SNTG2: variants seen among roughly 807,000 people sequenced by gnomAD.
SNTG2 encodes syntrophin gamma 2, also known as gamma-2-syntrophin.
SNTG2 carries 74 observed loss-of-function variants against 70.9 expected under a neutral mutation model. That is an observed-to-expected ratio of 1.04 (90% CI 0.86 to 1.27). SNTG2 has a LOEUF of 1.27. Among genes scored for constraint, SNTG2 ranks in the 50% most tolerant of loss-of-function variants. The pLI is 0.00. For missense variants in SNTG2, 717 were observed against 690.7 expected (o/e 1.04, Z -0.43); for synonymous variants, 278 against 273.8 (o/e 1.02, Z -0.15).
intron 1 of SNTG2, among the ~76,000 whole-genome samples, 197 bp downstream of exon 1, chr2:951,265 C>T (rs555020090): frequency 6.6e-6 from 1 of 152,358 alleles, no homozygotes; most frequent in East Asian, 1.9e-4. Context: ...CGCTCTGCTC[C>T]CTCCAGCCCA....
intron 1 of SNTG2, among the ~76,000 whole-genome samples, chr2:974,643 T>G (rs553242252): frequency 6.6e-6 from 1 of 152,148 alleles, no homozygotes; most frequent in Non-Finnish European, 1.5e-5. Context: ...TCAGCTGAAG[T>G]TTCTAAAATG....
chr2:1,040,225 C>G (rs948916688), intron 1 of SNTG2, among the ~76,000 whole-genome samples: 3 of 152,180 alleles, frequency 2.0e-5, no homozygotes, highest in African/African-American at 7.2e-5. Context: ...TTCCTGCACC[C>G]CACGCCAGTG....
chr2:951,143 C>T (rs1226704157), intron 1 of SNTG2, 75 bp downstream of exon 1: 5 of 644,778 alleles, frequency 7.8e-6, no homozygotes, highest in African/African-American at 1.9e-5. Context: ...CCCCCCGCCC[C>T]TCCTCCCTCC....
At chr2:1,065,463 A>G (rs1663088699) in intron 1 of SNTG2, among the ~76,000 whole-genome samples, 1 of 152,154 alleles carries the variant, frequency 6.6e-6, no homozygotes, top group Non-Finnish European at 1.5e-5. Flanking sequence ...AGTGTTTTGG[A>G]TGAGGTCAAA....
intron 8 of SNTG2, among the ~76,000 whole-genome samples, chr2:1,194,786 G>T (rs1290084819): frequency 1.3e-5 from 2 of 152,060 alleles, no homozygotes; most frequent in Non-Finnish European, 2.9e-5. Flanking sequence ...GTGCAGTTTT[G>T]TTACATAGGT....
chr2:1,239,730 C>G lies in SNTG2; in HGVS notation c.850-8C>G, dbSNP rs564816379. On this transcript the variant is annotated splice_region_variant and splice_polypyrimidine_tract_variant and intron_variant, in intron 10 of 16. Coordinates refer to ENST00000308624, the MANE Select transcript of SNTG2 (RefSeq NM_018968.4). ...TGTGGCCCTGACTCTTCTGCCTTCT[C>G]TCCACAGATGAAGATGGCGAACAAA... is the stretch of plus-strand genomic sequence containing the variant. 3.1e-6 allele frequency: 5 copies of G among 1,613,212 alleles called. No homozygotes were observed. The South Asian group carries it at 4.4e-5, about 14-fold the overall frequency.
intron 1 of SNTG2, among the ~76,000 whole-genome samples, chr2:965,692 C>A (rs574796703): frequency 4.6e-5 from 7 of 152,148 alleles, no homozygotes; most frequent in African/African-American, 1.7e-4. Context: ...GTGTGCTCTC[C>A]CCTGGAATTC....
intron 2 of SNTG2, among the ~76,000 whole-genome samples, chr2:1,088,930 A>T (rs1473640529): frequency 6.6e-6 from 1 of 152,238 alleles, no homozygotes; most frequent in Non-Finnish European, 1.5e-5. Flanking sequence ...TGGCATGGCG[A>T]GGCAGTATGA....
At chr2:972,315 T>G (rs188878378) in intron 1 of SNTG2, among the ~76,000 whole-genome samples, 1 of 152,240 alleles carries the variant, frequency 6.6e-6, no homozygotes, top group South Asian at 2.1e-4. Flanking sequence ...TGGGTGCTCC[T>G]GTGTTGAGTC....
At chr2:1,320,534 C>CAAAA (rs35391780) in intron 16 of SNTG2, among the ~76,000 whole-genome samples, 16 of 89,346 alleles carry the variant, frequency 1.8e-4, no homozygotes, top group East Asian at 4.0e-4. Context: ...GACTCCTTCT[C>CAAAA]AAAAAAAAAA....
chr2:1,179,735 C>G (rs1370762613), intron 8 of SNTG2, among the ~76,000 whole-genome samples: 1 of 150,686 alleles, frequency 6.6e-6, no homozygotes, highest in South Asian at 2.1e-4. Flanking sequence ...TCATATGGAA[C>G]CAAAAAAGAG....
At chr2:1,055,236 T>C (rs867724080) in intron 1 of SNTG2, among the ~76,000 whole-genome samples, 1 of 152,240 alleles carries the variant, frequency 6.6e-6, no homozygotes, top group Non-Finnish European at 1.5e-5. Flanking sequence ...GAATGTGAGC[T>C]TGCCCCGGCC....
intron 14 of SNTG2, among the ~76,000 whole-genome samples, chr2:1,281,832 C>T (rs906478266): frequency 5.3e-5 from 8 of 152,096 alleles, no homozygotes; most frequent in African/African-American, 1.9e-4. Context: ...GACACTGGCC[C>T]CACCCAGCAC....
chr2:1,060,947 C>T (rs913771833), intron 1 of SNTG2, among the ~76,000 whole-genome samples: 8 of 152,082 alleles, frequency 5.3e-5, no homozygotes, highest in African/African-American at 1.7e-4. Context: ...GAGAAACTTG[C>T]GGGTCCACAA....
chr2:1,198,459 G>A (rs79364809), intron 8 of SNTG2, among the ~76,000 whole-genome samples: 218 of 150,256 alleles, frequency 1.5e-3, no homozygotes, highest in African/African-American at 5.0e-3. Context: ...GACACACATC[G>A]AAAAACGTAA....
At chr2:1,267,727 G>A (rs941875432) in intron 14 of SNTG2, among the ~76,000 whole-genome samples, 156 bp downstream of exon 14, 2 of 148,194 alleles carry the variant, frequency 1.3e-5, no homozygotes, top group African/African-American at 2.6e-5. Flanking sequence ...TCGTTCGCAC[G>A]GAGTCATGCG....
chr2:1,149,724 G>A (rs1422336076), intron 6 of SNTG2, among the ~76,000 whole-genome samples: 3 of 141,000 alleles, frequency 2.1e-5, no homozygotes, highest in Non-Finnish European at 3.0e-5. Context: ...ATCTGGCTCT[G>A]TTGCCCAGGC....
chr2:1,086,152 A>G (rs1664670289), intron 2 of SNTG2, among the ~76,000 whole-genome samples: 1 of 152,194 alleles, frequency 6.6e-6, no homozygotes, highest in African/African-American at 2.4e-5. Flanking sequence ...GAAACAGACA[A>G]CCACAAGCAG....
At chr2:1,239,641 C>T in intron 10 of SNTG2, 97 bp from the exon 11 acceptor site, 1 of 1,321,682 alleles carries the variant, frequency 7.6e-7, no homozygotes, top group South Asian at 1.3e-5. Context: ...GCCTGTTTCC[C>T]AGGACAGAGC....
Sources: gnomAD v4.1 joint callset for allele counts (sites outside exome capture counted in the v4.1 genomes callset) on GRCh38, gnomAD v4.1.1 for gene constraint, MANE v1.5 for transcripts, NCBI Gene and HGNC (gene_info 2026-07-23, HGNC 2026-07-21) for gene names.